Variants in PRDM15 observed in about 807,000 individuals in gnomAD.
PRDM15 encodes PR/SET domain 15.
PRDM15 carries 64 observed loss-of-function variants against 128.6 expected under a neutral mutation model. The ratio of observed to expected loss-of-function variants is 0.50; its 90% CI spans 0.41 to 0.61. PRDM15 has a LOEUF of 0.61. PRDM15 is among the 20% of genes least tolerant of loss of function. The pLI is 0.00. For synonymous variants in PRDM15, 615 were observed against 621.8 expected (o/e 0.99, Z 0.16); for missense variants, 1,242 against 1,569.1 (o/e 0.79, Z 3.52).
intron 21 of PRDM15, among the ~76,000 whole-genome samples, chr21:41,808,687 T>TAC (rs2061758836): frequency 6.6e-6 from 1 of 152,260 alleles, no homozygotes; most frequent in Admixed American, 6.5e-5. Context: ...GTATTATATA[T>TAC]ACACACAATG....
chr21:41,841,089 G>A (rs1226322639), intron 6 of PRDM15, among the ~76,000 whole-genome samples: 1 of 152,170 alleles, frequency 6.6e-6, no homozygotes, highest in African/African-American at 2.4e-5. Flanking sequence ...AGAAAATAGG[G>A]AAGGAGGGCT....
At chr21:41,857,891 C>T (rs1455630248) in intron 3 of PRDM15, among the ~76,000 whole-genome samples, 2 of 152,224 alleles carry the variant, frequency 1.3e-5, no homozygotes, top group Admixed American at 6.5e-5. Context: ...ACAAGGCCGA[C>T]CACAGGGCCC....
Position 41,838,002 on chromosome 21 carries a change from A to G in PRDM15, c.933T>C (p.Asp311=). The change falls in exon 8 of 24, where the codon GAT becomes GAC. Residue 311 remains aspartate, a synonymous_variant. Transcript: ENST00000398548. ...PPDEPVSATP[D]ERIMELVLGK... ...CCAGAACCAGCTCCATGATCCGCTCATCTGGCGTTGCACTCACAGGCTCAT... is the reference window on the plus strand; with the variant it reads ...CCAGAACCAGCTCCATGATCCGCTCGTCTGGCGTTGCACTCACAGGCTCAT... 6.2e-7 allele frequency: 1 copy of G among 1,614,202 alleles called. No homozygotes were observed. Among genetic ancestry groups the G allele is most frequent in the East Asian group, 2.2e-5 (1 of 44,880 alleles).
intron 1 of PRDM15, among the ~76,000 whole-genome samples, chr21:41,870,227 A>T (rs2064163596): frequency 6.6e-6 from 1 of 152,234 alleles, no homozygotes; most frequent in Non-Finnish European, 1.5e-5. Context: ...TTATGTCAAC[A>T]TCTATTAATA....
intron 1 of PRDM15, chr21:41,878,835 G>C: frequency 2.2e-6 from 2 of 923,686 alleles, no homozygotes; most frequent in Non-Finnish European, 2.5e-6. Flanking sequence ...GGGGCCGCGG[G>C]GCCGCGGGCC....
At chr21:41,818,451 G>A (rs1411508139) in intron 18 of PRDM15, among the ~76,000 whole-genome samples, 5 of 103,598 alleles carry the variant, frequency 4.8e-5, no homozygotes, top group Non-Finnish European at 1.0e-4. Context: ...AGGTGCATGC[G>A]CTGCTTTTTT....
intron 18 of PRDM15, among the ~76,000 whole-genome samples, chr21:41,817,845 T>TA (rs2062105630): frequency 1.3e-5 from 2 of 152,398 alleles, no homozygotes; most frequent in African/African-American, 4.8e-5. Context: ...ACTGATGTAT[T>TA]AATGCCAGCA....
rs998127549 is a variant in PRDM15 at position 41,809,231 on chromosome 21, T to C, written c.2652+923A>G. 3.1e-5 allele frequency among the ~76,000 whole-genome samples: 4 copies of C among 129,750 alleles called. No individual in the cohort carries two copies. The East Asian group carries it at 9.1e-4, about 30-fold the overall frequency. 85.1% of individuals were successfully genotyped at this position (129,750 alleles called of 152,430 possible). The stretch of plus-strand genomic sequence containing the variant: ...ACACAGCCATGGCCTATGCAAATTT[T>C]TTCTTTTTTTTTTTTTTTTGAGATG... On this transcript the variant is annotated intron_variant, in intron 21 of 23. Transcript: ENST00000398548.
At position 41,828,069 on chromosome 21, in the gene PRDM15, T is replaced by C. The variant is rs1392339899; in HGVS notation, c.1534+97A>G. On this transcript the variant is annotated intron_variant, in intron 12 of 23. Coordinates refer to ENST00000398548, the MANE Select transcript of PRDM15 (RefSeq NM_001040424.3). The surrounding 1 kb of genome is among the most constrained non-coding windows in gnomAD (Gnocchi z 5.7). The stretch of plus-strand genomic sequence containing the variant: ...GGCAAAGGAGCAGGCGGCACCGAAC[T>C]GCTCCCCAAAGGCCCTGCTGACTGC... The C allele has an allele frequency of 2.3e-6, 3 of 1,317,506 alleles. No homozygotes were observed. The highest frequency in any genetic ancestry group is 3.2e-6 in the Non-Finnish European group (3 of 933,630). The allele number at this position is 1,317,506 out of a possible 1,614,324, so 81.6% of individuals were successfully genotyped here.
chr21:41,861,659 G>A (rs369321066), intron 1 of PRDM15: 21 of 1,613,816 alleles, frequency 1.3e-5, no homozygotes, highest in Admixed American at 6.7e-5. Flanking sequence ...GATTCCACAC[G>A]CCCTCCACCC....
At chr21:41,830,856 A>C (rs1162988004) in intron 11 of PRDM15, among the ~76,000 whole-genome samples, 1 of 152,156 alleles carries the variant, frequency 6.6e-6, no homozygotes, top group Non-Finnish European at 1.5e-5. Flanking sequence ...ACAGCCCCCC[A>C]GTGCCATCTG....
In PRDM15 at chr21:41,859,946, C is replaced by A. The variant is rs1022465871; in HGVS notation, c.38-261G>T. On this transcript the variant is annotated intron_variant, in intron 2 of 23. Transcript: ENST00000398548. The surrounding 1 kb of genome is among the most constrained non-coding windows in gnomAD (Gnocchi z 5.3). ...CAGGGAAAGCTCTAGCTCCGCCGCA[C>A]GCCTCAAATCAAGCACGGTCACCTC... 6.6e-6 allele frequency among the ~76,000 whole-genome samples: 1 copy of A among 152,108 alleles called. No individual in the cohort carries two copies. Among genetic ancestry groups the A allele is most frequent in the Non-Finnish European group, 1.5e-5 (1 of 68,008 alleles).
Position 41,879,310 on chromosome 21 carries a change from C to A in PRDM15, c.-50G>T. 1 of 1,086,730 alleles carries A rather than the reference C, an allele frequency of 9.2e-7. No individual in the cohort carries two copies. The highest frequency in any genetic ancestry group is 1.1e-6 in the Non-Finnish European group (1 of 885,992). The allele number at this position is 1,086,730 out of a possible 1,614,324, so 67.3% of individuals were successfully genotyped here. On this transcript the variant is annotated 5_prime_UTR_variant, in exon 1 of 24. Transcript: ENST00000398548. This position sits in a 1 kb window ranked among gnomAD's most constrained non-coding sequence, Gnocchi z 5.1. ...GCAGAGCGGGATCGGATCCGGACTCCGGGTTGCGATCCGCTCCGGAAACTG... is the reference window on the plus strand; with the variant it reads ...GCAGAGCGGGATCGGATCCGGACTCAGGGTTGCGATCCGCTCCGGAAACTG...
rs1414175241 is a variant in PRDM15 at position 41,862,586 on chromosome 21, C to T, written c.-9-2214G>A. On this transcript the variant is annotated intron_variant, in intron 1 of 23. Transcript: ENST00000398548. This position sits in a 1 kb window ranked among gnomAD's most constrained non-coding sequence, Gnocchi z 4.1. ...TTCTATGTAAATGTCCGAGTCCTGG[C>T]AATAAGGGTCCCGATTAGCAGCATC... Among the ~76,000 whole-genome samples the T allele has an allele frequency of 6.6e-6, 1 of 152,148 alleles. No homozygotes were observed. The highest frequency in any genetic ancestry group is 2.4e-5 in the African/African-American group (1 of 41,434).
chr21:41,878,449 A>C (rs2064499291), intron 1 of PRDM15, among the ~76,000 whole-genome samples: 1 of 152,120 alleles, frequency 6.6e-6, no homozygotes, highest in Admixed American at 6.5e-5. Context: ...ATGAGTTTTC[A>C]TTTCTATTTT....
At chr21:41,829,868 AT>A (rs2062621759) in intron 11 of PRDM15, among the ~76,000 whole-genome samples, 1 of 151,536 alleles carries the variant, frequency 6.6e-6, no homozygotes, top group Non-Finnish European at 1.5e-5. Flanking sequence ...CACATACCAC[AT>A]ACACACACAC....
In PRDM15 at chr21:41,823,363, G is replaced by A; in HGVS notation, c.1716C>T (p.Phe572=). 2.5e-6 allele frequency: 4 copies of A among 1,600,350 alleles called. No individual in the cohort carries two copies. The highest frequency in any genetic ancestry group is 1.7e-5 in the Admixed American group (1 of 58,354). ...GGTCCCTGAGCACATCCACGCGGAA[G>A]AACTTGCGCCCGCAGATCTCGCAGG... ...KYTCEICGRK[F]FRVDVLRDHI... is the part of the protein sequence containing the mutation. Residue 572 remains phenylalanine, a synonymous_variant, in exon 14 of 24, where the codon TTC becomes TTT. Transcript: ENST00000398548.
At chr21:41,826,297 C>T (rs67058433) in intron 12 of PRDM15, among the ~76,000 whole-genome samples, 24,746 of 152,118 alleles carry the variant, frequency 0.16, 2,155 homozygotes, top group East Asian at 0.25. Flanking sequence ...TGGGATCTGC[C>T]GAGACAGTTC....
At chr21:41,868,058 T>C (rs2064077165) in intron 1 of PRDM15, among the ~76,000 whole-genome samples, 1 of 150,368 alleles carries the variant, frequency 6.7e-6, no homozygotes, top group African/African-American at 2.4e-5. Context: ...AAAAAAAGAA[T>C]GTCATATAAA....
Sources: gnomAD v4.1 joint callset for allele counts (sites outside exome capture counted in the v4.1 genomes callset) on GRCh38, gnomAD v4.1.1 for gene constraint, Gnocchi (gnomAD v3.1) non-coding constraint, MANE v1.5 for transcripts, NCBI Gene and HGNC (gene_info 2026-07-23, HGNC 2026-07-21) for gene names.